Variants in TMEM232 observed in about 807,000 individuals in gnomAD.
TMEM232 encodes the protein transmembrane protein 232.
Under a neutral mutation model 78.8 loss-of-function variants are expected in TMEM232, and 80 were observed. The observed-to-expected ratio is 1.01, with a 90% CI of 0.85 to 1.22. The LOEUF (loss-of-function observed/expected upper bound fraction) is 1.22. TMEM232 is among the 50% of genes most tolerant of loss of function. The pLI, the probability that TMEM232 is intolerant of heterozygous loss-of-function variation, is 0.00. For missense variants in TMEM232, 881 were observed against 742.2 expected, an observed-to-expected ratio of 1.19 and a Z score of -2.17; for synonymous variants, 297 against 254.3, an observed-to-expected ratio of 1.17 and a Z score of -1.60.
chr5:110,532,816 G>A lies in TMEM232; in HGVS notation c.1456-3981C>T, dbSNP rs191169148. ...ATTAAAACCTAATCACCCTTACCCC[G>A]CTCAATGCCAATATCCCATCCCACA... On this transcript the variant is annotated intron_variant, in intron 11 of 13. Transcript: ENST00000455884. Among the ~76,000 whole-genome samples, 1,138 of 151,840 alleles carry A rather than the reference G, an allele frequency of 7.5e-3. 22 individuals carry two copies. The highest frequency in any genetic ancestry group is 0.023 in the African/African-American group (954 of 41,432).
At chr5:110,537,536 C>T (rs2149565632) in intron 11 of TMEM232, among the ~76,000 whole-genome samples, 1 of 152,312 alleles carries the variant, frequency 6.6e-6, no homozygotes, top group African/African-American at 2.4e-5. Flanking sequence ...CTAGATATTA[C>T]AGATGACCTC....
intron 12 of TMEM232, among the ~76,000 whole-genome samples, chr5:110,460,960 C>T (rs1761459775): frequency 6.6e-6 from 1 of 151,904 alleles, no homozygotes. Context: ...CAGTTTTTCC[C>T]CCATCTCTCC....
At chr5:110,596,499 C>A (rs1021881297) in intron 10 of TMEM232, among the ~76,000 whole-genome samples, 6 of 152,170 alleles carry the variant, frequency 3.9e-5, no homozygotes, top group Admixed American at 6.5e-5. Flanking sequence ...AGGGAATCCT[C>A]CCTAACTCAT....
At chr5:110,522,425 T>C (rs1769674800) in intron 12 of TMEM232, among the ~76,000 whole-genome samples, 1 of 152,206 alleles carries the variant, frequency 6.6e-6, no homozygotes, top group Non-Finnish European at 1.5e-5. Context: ...TCTTGTCTAA[T>C]TATTCAAGCT....
intron 12 of TMEM232, among the ~76,000 whole-genome samples, chr5:110,458,850 C>G (rs1380622284): frequency 6.6e-6 from 1 of 152,104 alleles, no homozygotes; most frequent in Non-Finnish European, 1.5e-5. Flanking sequence ...GATGCCGTTG[C>G]ATATAAAATA....
intron 1 of TMEM232, among the ~76,000 whole-genome samples, chr5:110,702,920 T>C (rs1207435617): frequency 6.6e-6 from 1 of 152,044 alleles, no homozygotes; most frequent in Non-Finnish European, 1.5e-5. Context: ...GACCTTGGAA[T>C]GTTATGAAAG....
chr5:110,414,336 TA>T (rs1328779768), intron 2 of TMEM232, among the ~76,000 whole-genome samples: 2 of 152,182 alleles, frequency 1.3e-5, no homozygotes, highest in African/African-American at 4.8e-5. Context: ...CCCCAGTGAC[TA>T]AAAGTATTTG....
intron 12 of TMEM232, among the ~76,000 whole-genome samples, chr5:110,466,565 T>A (rs975594748): frequency 2.6e-5 from 4 of 152,008 alleles, no homozygotes; most frequent in African/African-American, 4.8e-5. Context: ...TGTCCCCATA[T>A]CCATTAAAGT....
chr5:110,573,772 T>C (rs942964921), intron 10 of TMEM232, among the ~76,000 whole-genome samples: 2 of 152,050 alleles, frequency 1.3e-5, no homozygotes, highest in South Asian at 2.1e-4. Context: ...GAGTTAATCA[T>C]TGAAGGAACA....
intron 13 of TMEM232, among the ~76,000 whole-genome samples, chr5:110,421,281 C>G (rs1219300712): frequency 6.6e-6 from 1 of 151,638 alleles, no homozygotes; most frequent in Non-Finnish European, 1.5e-5. Flanking sequence ...TAATTTTTTT[C>G]TTTTTCTTTT....
chr5:110,583,562 A>G (rs1778441213), intron 10 of TMEM232, among the ~76,000 whole-genome samples: 1 of 151,938 alleles, frequency 6.6e-6, no homozygotes, highest in Non-Finnish European at 1.5e-5. Flanking sequence ...ATACTCTTAA[A>G]ATTGGTTTTA....
chr5:110,454,904 G>A (rs1211568736), intron 12 of TMEM232, among the ~76,000 whole-genome samples: 3 of 112,924 alleles, frequency 2.7e-5, no homozygotes, highest in Non-Finnish European at 4.4e-5. Context: ...CTTGTTCTTC[G>A]TAAAGATTAA....
At chr5:110,526,781 C>T (rs1299894762) in intron 12 of TMEM232, among the ~76,000 whole-genome samples, 1 of 151,746 alleles carries the variant, frequency 6.6e-6, no homozygotes, top group Non-Finnish European at 1.5e-5. Flanking sequence ...GTCTAGTACA[C>T]AAGAAATCTA....
At chr5:110,438,950 T>C (rs905660389) in intron 12 of TMEM232, among the ~76,000 whole-genome samples, 7 of 152,168 alleles carry the variant, frequency 4.6e-5, no homozygotes, top group African/African-American at 7.2e-5. Context: ...CTCTTATGCA[T>C]CTTAAAGCAG....
intron 11 of TMEM232, among the ~76,000 whole-genome samples, chr5:110,543,672 G>A (rs555409257): frequency 3.3e-5 from 5 of 152,118 alleles, no homozygotes; most frequent in Non-Finnish European, 2.9e-5. Flanking sequence ...CTTCTAGACA[G>A]TGAGAAGGTC....
At chr5:110,516,273 C>T (rs1041151738) in intron 12 of TMEM232, among the ~76,000 whole-genome samples, 2 of 152,132 alleles carry the variant, frequency 1.3e-5, no homozygotes, top group African/African-American at 4.8e-5. Context: ...TTTGAACAAA[C>T]TAAGCATGAA....
intron 12 of TMEM232, among the ~76,000 whole-genome samples, chr5:110,438,905 T>A (rs1014156145): frequency 3.3e-5 from 5 of 152,124 alleles, no homozygotes; most frequent in African/African-American, 1.2e-4. Flanking sequence ...TAACTATAAC[T>A]TTCACACTCA....
intron 10 of TMEM232, among the ~76,000 whole-genome samples, chr5:110,578,446 G>A (rs1316183847): frequency 6.6e-6 from 1 of 151,938 alleles, no homozygotes. Flanking sequence ...AAGATTCCGA[G>A]AGATATAACA....
chr5:110,512,777 T>C (rs1217630101), intron 12 of TMEM232, among the ~76,000 whole-genome samples: 2 of 152,114 alleles, frequency 1.3e-5, no homozygotes, highest in Non-Finnish European at 2.9e-5. Context: ...AACAAAAACA[T>C]GTAGATCTTG....
Sources: allele counts gnomAD v4.1 joint callset (sites outside exome capture counted in the v4.1 genomes callset), GRCh38; gene constraint gnomAD v4.1.1; transcripts MANE v1.5; gene names NCBI Gene and HGNC (gene_info 2026-07-23, HGNC 2026-07-21).